LMOD1: variants seen among roughly 807,000 people sequenced by gnomAD.
The protein encoded by LMOD1 is leiomodin-1.
A neutral mutation model predicts 36.5 loss-of-function variants in LMOD1; 8 were observed. That is an observed-to-expected ratio of 0.22 (90% CI 0.13 to 0.40). The LOEUF (loss-of-function observed/expected upper bound fraction) is 0.40, where lower values mean the gene tolerates loss of function less well. Among genes scored for constraint, LMOD1 ranks in the 10% least tolerant of loss-of-function variants. The probability of loss-of-function intolerance (pLI) is 1.00; values close to 1 mark genes in which losing one functional copy is unlikely to be tolerated. For missense variants in LMOD1, 630 were observed against 751.1 expected, an observed-to-expected ratio of 0.84 and a Z score of 1.88; for synonymous variants, 284 against 288.7, an observed-to-expected ratio of 0.98 and a Z score of 0.17.
intron 1 of LMOD1, among the ~76,000 whole-genome samples, chr1:201,938,303 A>G (rs1209829743): frequency 2.0e-5 from 3 of 151,654 alleles, no homozygotes; most frequent in African/African-American, 7.3e-5. Flanking sequence ...CTAATTTTGT[A>G]TTTTTAGTAG....
At position 201,899,399 on chromosome 1, in the gene LMOD1, G is replaced by A. The variant is rs1248190322; in HGVS notation, c.1614C>T (p.Pro538=). Reference sequence around the variant, plus strand: ...TGATAAGGGGTGGAGCCAAGGGAGGGGGAGGGGGTGGTGGGGCAGCTGGAG... The same window carrying A: ...TGATAAGGGGTGGAGCCAAGGGAGGAGGAGGGGGTGGTGGGGCAGCTGGAG... ...GGAPAAPPPP[P]PPLAPPLIME... is the part of the protein sequence containing the mutation. Residue 538 remains proline (P), a synonymous_variant, in exon 2 of 3, where the codon CCC becomes CCT. Transcript: ENST00000367288. The surrounding 1 kb of genome is among the most constrained non-coding windows in gnomAD (Gnocchi z 6.3). The A allele has an allele frequency of 6.2e-7, 1 of 1,613,322 alleles. No homozygotes were observed. Among genetic ancestry groups the A allele is most frequent in the East Asian group, 2.2e-5 (1 of 44,842 alleles).
chr1:201,930,217 C>A (rs1311350410), intron 1 of LMOD1, among the ~76,000 whole-genome samples: 1 of 152,170 alleles, frequency 6.6e-6, no homozygotes, highest in Non-Finnish European at 1.5e-5. Context: ...GGAAGCTACA[C>A]TGAGTAATTG....
At chr1:201,915,017 C>T (rs1265194393) in intron 1 of LMOD1, among the ~76,000 whole-genome samples, 1 of 152,230 alleles carries the variant, frequency 6.6e-6, no homozygotes, top group African/African-American at 2.4e-5. Context: ...TCACCCCCAA[C>T]ATTCCATGGA....
At chr1:201,906,353 C>T (rs914729391) in intron 1 of LMOD1, among the ~76,000 whole-genome samples, 13 of 152,226 alleles carry the variant, frequency 8.5e-5, no homozygotes, top group African/African-American at 3.1e-4. Flanking sequence ...AGTCCCCCCA[C>T]CCGCCTCCAC....
rs1355222305 is a variant in LMOD1, at chr1:201,900,032, G to T, written c.981C>A (p.Asn327Lys). 9 of 1,613,696 alleles carry T rather than the reference G, an allele frequency of 5.6e-6. No individual in the cohort carries two copies. ...TCACCTCAGTCATCTCGGGGTCATT[G>T]TTCTTCACTCTCTCCAGAGGCTCAT... ...IFDEPLERVK[N>K]NDPEMTEVNV... is the part of the protein sequence containing the mutation. The change falls in exon 2 of 3, where the codon AAC (asparagine) becomes AAA (lysine). Residue 327 changes from asparagine (N) to lysine (K), a missense_variant. By Grantham distance (94) the Asn-to-Lys change is moderately conservative. Around this residue, in one of 3 missense-constraint regions of LMOD1, gnomAD observed 81 missense variants for 180.6 expected, o/e 0.45. Coordinates refer to ENST00000367288, the MANE Select transcript of LMOD1 (RefSeq NM_012134.3).
intron 1 of LMOD1, 55 bp downstream of exon 1, chr1:201,946,025 G>T: frequency 6.4e-7 from 1 of 1,557,282 alleles, no homozygotes; most frequent in South Asian, 1.2e-5. Context: ...CATGAAGCCA[G>T]GGTCTCCAGC....
intron 1 of LMOD1, among the ~76,000 whole-genome samples, chr1:201,938,482 T>G (rs1332857506): frequency 6.6e-6 from 1 of 152,130 alleles, no homozygotes; most frequent in Non-Finnish European, 1.5e-5. Flanking sequence ...TGAAGTCACT[T>G]GTTTGGGTCA....
chr1:201,897,133 G>A lies in LMOD1; in HGVS notation c.*1239C>T, dbSNP rs1016265265. ...AGGAAGTGGAATTGGTGAGCAGGTG[G>A]GGAGGGCTGGGGAAGATGAGGCCCC... On this transcript the variant is annotated 3_prime_UTR_variant, in exon 3 of 3. Transcript: ENST00000367288. The A allele has an allele frequency of 4.8e-5, 12 of 249,698 alleles. No homozygotes were observed. The Admixed American group carries it at 5.5e-4, about 12-fold the overall frequency. The allele number at this position is 249,698 out of a possible 1,614,324, so 15.5% of individuals were successfully genotyped here.
chr1:201,901,688 G>GTATA (rs1345764128), intron 1 of LMOD1, among the ~76,000 whole-genome samples: 1 of 92,128 alleles, frequency 1.1e-5, no homozygotes, highest in Non-Finnish European at 2.3e-5. Flanking sequence ...ATATATATAT[G>GTATA]TGTATATATA....
intron 1 of LMOD1, among the ~76,000 whole-genome samples, chr1:201,919,820 T>C (rs902547323): frequency 6.6e-6 from 1 of 152,088 alleles, no homozygotes; most frequent in Non-Finnish European, 1.5e-5. Flanking sequence ...CAGGGCAGAC[T>C]CCAGGGCAGA....
At chr1:201,933,597 ATATATATATAT>A (rs750491245) in intron 1 of LMOD1, among the ~76,000 whole-genome samples, 5,035 of 110,872 alleles carry the variant, frequency 0.045, 432 homozygotes, top group East Asian at 0.37. Context: ...TACATACATT[ATATATATATAT>A]ATATATATAT....
intron 1 of LMOD1, among the ~76,000 whole-genome samples, chr1:201,901,624 G>GTATATATATATATACACATATATA (rs1558234822): frequency 4.8e-4 from 6 of 12,622 alleles, no homozygotes; most frequent in African/African-American, 1.8e-3. Context: ...ATATATATGT[G>GTATATATATATATACACATATATA]TGTGTGTATA....
intron 1 of LMOD1, among the ~76,000 whole-genome samples, chr1:201,902,268 A>G (rs1035128302): frequency 2.0e-5 from 3 of 151,862 alleles, no homozygotes; most frequent in African/African-American, 4.8e-5. Flanking sequence ...AAGGACAAGC[A>G]TCTCTCTGTG....
chr1:201,931,150 G>T (rs146106599), intron 1 of LMOD1, among the ~76,000 whole-genome samples: 1 of 152,332 alleles, frequency 6.6e-6, no homozygotes, highest in Non-Finnish European at 1.5e-5. Context: ...AAGGAGCAAA[G>T]GTCGTGTGGA....
chr1:201,922,789 C>CT (rs1011657561), intron 1 of LMOD1, among the ~76,000 whole-genome samples: 1 of 151,298 alleles, frequency 6.6e-6, no homozygotes, highest in African/African-American at 2.4e-5. Flanking sequence ...CTGAATACTG[C>CT]TTTTTTTCTA....
chr1:201,901,501 T>TA (rs1319308487), intron 1 of LMOD1, among the ~76,000 whole-genome samples: 5 of 81,166 alleles, frequency 6.2e-5, no homozygotes, highest in Non-Finnish European at 1.3e-4. Context: ...AAACTCTGTC[T>TA]CAAAAAAAAA....
At chr1:201,903,006 A>G (rs1036095185) in intron 1 of LMOD1, among the ~76,000 whole-genome samples, 1 of 152,190 alleles carries the variant, frequency 6.6e-6, no homozygotes, top group African/African-American at 2.4e-5. Flanking sequence ...CAAGAGGAAG[A>G]GACTATGGTT....
rs1327382342 is a variant in LMOD1 at position 201,899,243 on chromosome 1, G to A, written c.1770C>T (p.Leu590=). The change falls in exon 2 of 3, where the codon CTC becomes CTT. Residue 590 remains leucine, a synonymous_variant. Transcript: ENST00000367288. This position sits in a 1 kb window ranked among gnomAD's most constrained non-coding sequence, Gnocchi z 6.3. ...AAIRSSNLKQ[L]KKVEVPKLLQ ...CATGCCCACAACTACTTAACTTCTT[G>A]AGCTGCTTGAGGTTGCTGGAGCGGA... 6.3e-7 allele frequency: 1 copy of A among 1,586,148 alleles called. No individual in the cohort carries two copies. Among genetic ancestry groups the A allele is most frequent in the African/African-American group, 1.3e-5 (1 of 74,524 alleles).
intron 1 of LMOD1, among the ~76,000 whole-genome samples, chr1:201,906,170 C>G (rs1281803945): frequency 6.6e-6 from 1 of 152,110 alleles, no homozygotes; most frequent in Non-Finnish European, 1.5e-5. Flanking sequence ...CTGTGTGGAT[C>G]TGGAGCTCAT....
Sources: gnomAD v4.1 joint callset for allele counts (sites outside exome capture counted in the v4.1 genomes callset) on GRCh38, gnomAD v4.1.1 for gene constraint, gnomAD v4.1.1 regional missense constraint, Gnocchi (gnomAD v3.1) non-coding constraint, MANE v1.5 for transcripts, NCBI Gene and HGNC (gene_info 2026-07-23, HGNC 2026-07-21) for gene names.